The following IGLL1 variants were observed in gnomAD, a reference collection of about 807,000 sequenced individuals.
The protein encoded by IGLL1 is immunoglobulin lambda like polypeptide 1, also known as immunoglobulin lambda-like polypeptide 1.
Under a neutral mutation model 10.5 loss-of-function variants are expected in IGLL1, and 10 were observed. The observed-to-expected ratio is 0.95, with a 90% CI of 0.59 to 1.62. IGLL1 has a LOEUF of 1.62. Among genes scored for constraint, IGLL1 ranks in the 40% most tolerant of loss-of-function variants. The pLI is 0.00. For synonymous variants in IGLL1, 141 were observed against 122.7 expected (o/e 1.15, Z -0.99); for missense variants, 284 against 278.7 (o/e 1.02, Z -0.14).
In IGLL1 at chr22:23,580,213, T is replaced by C; in HGVS notation, c.-23A>G. 8 of 1,536,048 alleles carry C rather than the reference T, an allele frequency of 5.2e-6. No homozygotes were observed. Among genetic ancestry groups the C allele is most frequent in the Admixed American group, 2.0e-5 (1 of 51,002 alleles). On this transcript the variant is annotated 5_prime_UTR_variant, in exon 1 of 3. Transcript: ENST00000330377. Reference sequence around the variant, plus strand: ...CATCGGCCCTCAGGGTCAGAGGTCCTTGTGGCCTGACTTGCAGTGTGGGCT... The same window carrying C: ...CATCGGCCCTCAGGGTCAGAGGTCCCTGTGGCCTGACTTGCAGTGTGGGCT...
At position 23,580,080 on chromosome 22, in the gene IGLL1, GC is replaced by G; in HGVS notation, c.110del (p.Gly37AlafsTer27). 6.4e-7 allele frequency: 1 copy of G among 1,572,072 alleles called. No homozygotes were observed. The highest frequency in any genetic ancestry group is 8.6e-7 in the Non-Finnish European group (1 of 1,161,184). ...LLLGLAVVTH[G>X]LLRPTAASQS... Reference sequence around the variant, plus strand: ...GCGATGCAGCTGTTGGGCGCAGCAGGCCATGGGTTACCACGGCCAGACCCAG... The same window carrying G: ...GCGATGCAGCTGTTGGGCGCAGCAGGCATGGGTTACCACGGCCAGACCCAG... On this transcript the variant is annotated frameshift_variant, in exon 1 of 3. Transcript: ENST00000330377. LOFTEE classifies it high-confidence loss of function.
At chr22:23,575,264 C>T (rs956844665) in intron 1 of IGLL1, among the ~76,000 whole-genome samples, 182 bp from the exon 2 acceptor site, 4 of 152,188 alleles carry the variant, frequency 2.6e-5, no homozygotes, top group African/African-American at 9.7e-5. Context: ...GATGGCAACG[C>T]TGGGCCCAGT....
At chr22:23,574,585 G>C (rs1365382241) in intron 2 of IGLL1, among the ~76,000 whole-genome samples, 1 of 152,156 alleles carries the variant, frequency 6.6e-6, no homozygotes, top group East Asian at 1.9e-4. Flanking sequence ...GGCTGGATGG[G>C]CATCCAGCCC....
chr22:23,575,149 G>A (rs1425076564), intron 1 of IGLL1, 67 bp from the exon 2 acceptor site: 1 of 1,119,784 alleles, frequency 8.9e-7, no homozygotes, highest in African/African-American at 1.5e-5. Context: ...GTAGGGGGGT[G>A]GCCAGTGTCC....
rs541448592 is a variant in IGLL1 at position 23,578,374 on chromosome 22, C to T, written c.206+1611G>A. Among the ~76,000 whole-genome samples the T allele has an allele frequency of 1.6e-4, 24 of 152,306 alleles. No individual in the cohort carries two copies. The East Asian group carries it at 2.3e-3, about 15-fold the overall frequency. On this transcript the variant is annotated intron_variant, in intron 1 of 2. Transcript: ENST00000330377. ...CCCTGCATGTGGCTGTCTCCTCACC[C>T]GGCCCCCGCTCCTTGTGGACTTGAA...
chr22:23,575,132 G>A lies in IGLL1; in HGVS notation c.207-50C>T, dbSNP rs1327725677. 7 of 1,320,240 alleles carry A rather than the reference G, an allele frequency of 5.3e-6. No homozygotes were observed. In the African/African-American group the frequency reaches 7.2e-5, roughly 14 times the overall value. The allele number at this position is 1,320,240 out of a possible 1,614,324, so 81.8% of individuals were successfully genotyped here. A position where few individuals can be genotyped will look rare whatever the true frequency, so the allele number is the denominator to read the frequency against. On this transcript the variant is annotated intron_variant, in intron 1 of 2. Transcript: ENST00000330377. Reference sequence around the variant, plus strand: ...CTGCAGTGTGTAGGCTGTGACCCAGGCACAGGGTAGGGGGGTGGCCAGTGT... The same window carrying A: ...CTGCAGTGTGTAGGCTGTGACCCAGACACAGGGTAGGGGGGTGGCCAGTGT...
chr22:23,574,207 G>A (rs149825193), intron 2 of IGLL1, among the ~76,000 whole-genome samples: 1 of 150,380 alleles, frequency 6.6e-6, no homozygotes, highest in African/African-American at 2.5e-5. Context: ...GATGCCCCTG[G>A]ACTTCACCTG....
chr22:23,579,026 C>T (rs955081262), intron 1 of IGLL1, among the ~76,000 whole-genome samples: 3 of 151,868 alleles, frequency 2.0e-5, no homozygotes, highest in African/African-American at 4.8e-5. Context: ...TGCACGTGTC[C>T]GCTCGATCAG....
intron 2 of IGLL1, among the ~76,000 whole-genome samples, chr22:23,574,425 G>A (rs563217455): frequency 2.8e-4 from 43 of 152,206 alleles, no homozygotes; most frequent in Non-Finnish European, 5.1e-4. Flanking sequence ...CTGGGCTCTG[G>A]GACCTCATCC....
At chr22:23,576,728 C>G (rs1028307171) in intron 1 of IGLL1, among the ~76,000 whole-genome samples, 47 of 152,180 alleles carry the variant, frequency 3.1e-4, no homozygotes, top group African/African-American at 1.1e-3. Context: ...CACCACACCC[C>G]GCTCCATTTT....
intron 2 of IGLL1, among the ~76,000 whole-genome samples, chr22:23,574,733 G>A (rs1373293086): frequency 2.6e-5 from 4 of 152,156 alleles, no homozygotes; most frequent in African/African-American, 9.7e-5. Context: ...TCCCAGCCCA[G>A]GCCCTGGGAC....
chr22:23,578,614 G>C (rs933676030), intron 1 of IGLL1, among the ~76,000 whole-genome samples: 1 of 152,168 alleles, frequency 6.6e-6, no homozygotes, highest in African/African-American at 2.4e-5. Context: ...CTCTGGGTGG[G>C]TGGGACGCTG....
rs143780139 is a variant in IGLL1 at position 23,573,558 on chromosome 22, G to A, written c.350C>T (p.Thr117Ile). Residue 117 changes from threonine to isoleucine, a missense_variant, in exon 3 of 3, where the codon ACT becomes ATT. Transcript: ENST00000330377. Reference protein sequence around the residue: ...LSQPKATPSVTLFPPSSEELQ... With the variant: ...LSQPKATPSVILFPPSSEELQ... ...CTCCTCAGAGGACGGCGGGAACAGA[G>A]TGACCGAGGGGGTGGCCTTGGGCTG... The A allele has an allele frequency of 5.9e-4, 947 of 1,613,900 alleles. 3 individuals are homozygous for A. The highest frequency in any genetic ancestry group is 5.3e-3 in the African/African-American group (399 of 75,038).
intron 1 of IGLL1, 131 bp from the exon 2 acceptor site, chr22:23,575,213 C>T (rs1334360855): frequency 3.9e-6 from 3 of 768,978 alleles, no homozygotes; most frequent in South Asian, 2.9e-5. Flanking sequence ...GAGGCAGGTG[C>T]TGCCCCAGCG....
intron 2 of IGLL1, among the ~76,000 whole-genome samples, chr22:23,574,717 G>A (rs548498414): frequency 6.5e-4 from 99 of 152,182 alleles, no homozygotes; most frequent in Non-Finnish European, 1.1e-3. Context: ...CCCTGACCCC[G>A]CCCAATCCCA....
At chr22:23,577,169 T>G (rs1925100240) in intron 1 of IGLL1, among the ~76,000 whole-genome samples, 1 of 152,168 alleles carries the variant, frequency 6.6e-6, no homozygotes, top group Admixed American at 6.5e-5. Flanking sequence ...CTCAGCACTT[T>G]AGGAGGCCGA....
Position 23,573,212 on chromosome 22 carries a change from T to TC in IGLL1, c.*53dup, listed in dbSNP as rs1046301827. The TC allele has an allele frequency of 3.8e-6, 6 of 1,561,354 alleles. No individual in the cohort carries two copies. In the African/African-American group the frequency reaches 8.1e-5, roughly 21 times the overall value. On this transcript the variant is annotated 3_prime_UTR_variant, in exon 3 of 3. Transcript: ENST00000330377. ...GGCTTGGGATGCAGAGAGAGACCCT[T>TC]CCCCTGGGATCCTGCAGCTCCAGGC...
chr22:23,579,860 G>A, intron 1 of IGLL1, 125 bp downstream of exon 1: 1 of 685,254 alleles, frequency 1.5e-6, no homozygotes, highest in South Asian at 1.9e-5. Flanking sequence ...GTTAAAGTCA[G>A]TGTCTGTGGC....
chr22:23,574,305 G>A (rs1047854155), intron 2 of IGLL1, among the ~76,000 whole-genome samples: 2 of 152,136 alleles, frequency 1.3e-5, no homozygotes, highest in Non-Finnish European at 2.9e-5. Context: ...AAGGTGGGAG[G>A]TCGACCCATG....
Sources: allele counts gnomAD v4.1 joint callset (sites outside exome capture counted in the v4.1 genomes callset), GRCh38; gene constraint gnomAD v4.1.1; transcripts MANE v1.5; gene names NCBI Gene and HGNC (gene_info 2026-07-23, HGNC 2026-07-21).